RBMS1: variants seen among roughly 807,000 people sequenced by gnomAD.
RBMS1 encodes the protein RNA binding motif single stranded interacting protein 1, also known as RNA-binding motif, single-stranded-interacting protein 1.
Under a neutral mutation model 62.3 loss-of-function variants are expected in RBMS1, and 17 were observed. That is an observed-to-expected ratio of 0.27 (90% CI 0.19 to 0.41). RBMS1 has a LOEUF of 0.41. RBMS1 is among the 10% of genes least tolerant of loss of function. RBMS1 has a pLI of 1.00. For synonymous variants in RBMS1, 172 were observed against 170.0 expected, an observed-to-expected ratio of 1.01 and a Z score of -0.09; for missense variants, 334 against 504.5, an observed-to-expected ratio of 0.66 and a Z score of 3.24.
At chr2:160,317,585 A>G (rs1249612635) in intron 3 of RBMS1, among the ~76,000 whole-genome samples, 6 of 152,122 alleles carry the variant, frequency 3.9e-5, no homozygotes, top group Non-Finnish European at 5.9e-5. Context: ...GCATCAAATT[A>G]ATGCAGCAGC....
At chr2:160,423,809 C>CCT (rs1168220211) in intron 1 of RBMS1, among the ~76,000 whole-genome samples, 4 of 151,688 alleles carry the variant, frequency 2.6e-5, no homozygotes, top group Admixed American at 2.0e-4. Flanking sequence ...GGCCTTCGCT[C>CCT]CTCTCTCTCT....
chr2:160,296,400 C>T (rs1688936649), intron 6 of RBMS1, among the ~76,000 whole-genome samples: 1 of 152,176 alleles, frequency 6.6e-6, no homozygotes, highest in African/African-American at 2.4e-5. Flanking sequence ...CAGGTGTAGC[C>T]TGTGGAACTG....
chr2:160,284,586 G>C, intron 9 of RBMS1, 189 bp downstream of exon 9: 1 of 578,952 alleles, frequency 1.7e-6, no homozygotes, highest in East Asian at 3.0e-5. Context: ...ATTTTCCTTT[G>C]CTTTACATTC....
chr2:160,432,623 A>T (rs537147200), intron 1 of RBMS1: 13 of 152,354 alleles, frequency 8.5e-5, no homozygotes, highest in African/African-American at 3.1e-4. Flanking sequence ...ACTGTGTAAG[A>T]ACTCAGATTA....
chr2:160,343,743 G>A (rs576109581), intron 2 of RBMS1, among the ~76,000 whole-genome samples: 30 of 152,222 alleles, frequency 2.0e-4, no homozygotes, highest in Middle Eastern at 3.4e-3. Context: ...TAATTAGAGT[G>A]GAGCCCCTTT....
At chr2:160,438,088 T>C (rs1018728729) in intron 1 of RBMS1, among the ~76,000 whole-genome samples, 1 of 152,214 alleles carries the variant, frequency 6.6e-6, no homozygotes, top group African/African-American at 2.4e-5. Flanking sequence ...CACTTTGATG[T>C]TGATACCCTC....
rs374052827 is a variant in RBMS1 at position 160,448,721 on chromosome 2, C to G, written c.75+44568G>C. On this transcript the variant is annotated intron_variant, in intron 1 of 13. Transcript: ENST00000348849. ...AGCCTCTGCCCGGCCGCCAACCCGT[C>G]TGGGAAGTGAGGAGCGTCTCTGCCT... Among the ~76,000 whole-genome samples the G allele has an allele frequency of 2.2e-4, 33 of 152,320 alleles. No individual in the cohort carries two copies. The East Asian group carries it at 5.6e-3, about 26-fold the overall frequency.
In RBMS1 at chr2:160,367,281, C is replaced by A. The variant is rs547425213; in HGVS notation, c.186G>T (p.Thr62=). The A allele has an allele frequency of 9.9e-6, 16 of 1,613,492 alleles. No individual in the cohort carries two copies. Among genetic ancestry groups the A allele is most frequent in the African/African-American group, 1.3e-5 (1 of 74,840 alleles). ...GAGGCAGTCCTCGGATATAGAGGTTCGTTTTGCTGAGCTGATCCCATCCTG... is the reference window on the plus strand; with the variant it reads ...GAGGCAGTCCTCGGATATAGAGGTTAGTTTTGCTGAGCTGATCCCATCCTG... ...SNSGWDQLSK[T]NLYIRGLPPH... Residue 62 remains threonine, a synonymous_variant, in exon 2 of 14, where the codon ACG becomes ACT. Transcript: ENST00000348849.
At chr2:160,321,802 A>G (rs1690576591) in intron 2 of RBMS1, among the ~76,000 whole-genome samples, 1 of 152,170 alleles carries the variant, frequency 6.6e-6, no homozygotes, top group African/African-American at 2.4e-5. Context: ...TGTCTTTGAT[A>G]TGTTTCCAAT....
At chr2:160,305,075 G>T (rs1488438973) in intron 4 of RBMS1, among the ~76,000 whole-genome samples, 2 of 152,152 alleles carry the variant, frequency 1.3e-5, no homozygotes, top group Non-Finnish European at 2.9e-5. Context: ...GGATGGTCTC[G>T]ATCTCTTGAC....
At chr2:160,394,616 G>C (rs1695044193) in intron 1 of RBMS1, among the ~76,000 whole-genome samples, 1 of 152,166 alleles carries the variant, frequency 6.6e-6, no homozygotes, top group Non-Finnish European at 1.5e-5. Context: ...AGCAAAAAAA[G>C]AAATGAGAGT....
intron 1 of RBMS1, among the ~76,000 whole-genome samples, chr2:160,421,133 T>A (rs12463865): frequency 6.6e-6 from 1 of 151,616 alleles, no homozygotes; most frequent in Non-Finnish European, 1.5e-5. Flanking sequence ...CACTCTAACT[T>A]ATTCTTTTTT....
chr2:160,370,995 A>G (rs1401778136), intron 1 of RBMS1, among the ~76,000 whole-genome samples: 1 of 152,248 alleles, frequency 6.6e-6, no homozygotes, highest in East Asian at 1.9e-4. Context: ...CTTTTCATTA[A>G]AGAATAAATT....
Position 160,281,308 on chromosome 2 carries a change from A to C in RBMS1, c.951+6T>G. 6.3e-7 allele frequency: 1 copy of C among 1,597,280 alleles called. No homozygotes were observed. The highest frequency in any genetic ancestry group is 2.2e-5 in the East Asian group (1 of 44,604). ...AAACACAAAGTCATTAAGATAAAAAACTTACAGGGTGCTGTAGAATATATG... is the reference window on the plus strand; with the variant it reads ...AAACACAAAGTCATTAAGATAAAAACCTTACAGGGTGCTGTAGAATATATG... On this transcript the variant is annotated splice_donor_region_variant and intron_variant, in intron 10 of 13. Coordinates refer to ENST00000348849, the MANE Select transcript of RBMS1 (RefSeq NM_016836.4).
chr2:160,481,257 A>G (rs1345204042), intron 1 of RBMS1, among the ~76,000 whole-genome samples: 1 of 151,998 alleles, frequency 6.6e-6, no homozygotes, highest in African/African-American at 2.4e-5. Context: ...ACAAACAACA[A>G]TAACAAATCT....
intron 2 of RBMS1, among the ~76,000 whole-genome samples, chr2:160,361,820 C>A (rs1018714445): frequency 1.3e-5 from 2 of 152,150 alleles, no homozygotes; most frequent in Admixed American, 6.5e-5. Context: ...CACAGTGAGA[C>A]CCCAATCTCT....
chr2:160,383,727 ATGTAATC>A (rs1694414523), intron 1 of RBMS1, among the ~76,000 whole-genome samples: 1 of 152,222 alleles, frequency 6.6e-6, no homozygotes, highest in African/African-American at 2.4e-5. Context: ...ATAGCGAGCT[ATGTAATC>A]AGAGCACATA....
intron 2 of RBMS1, among the ~76,000 whole-genome samples, chr2:160,358,950 A>C (rs1473588813): frequency 1.3e-5 from 2 of 152,182 alleles, no homozygotes; most frequent in East Asian, 3.9e-4. Context: ...ACCATTTTAA[A>C]AAAAACAGAA....
At chr2:160,362,996 G>A (rs1384886971) in intron 2 of RBMS1, among the ~76,000 whole-genome samples, 1 of 152,214 alleles carries the variant, frequency 6.6e-6, no homozygotes, top group African/African-American at 2.4e-5. Flanking sequence ...TATTCTAGCA[G>A]AATTTCAAGG....
Sources: gnomAD v4.1 joint callset for allele counts (sites outside exome capture counted in the v4.1 genomes callset) on GRCh38, gnomAD v4.1.1 for gene constraint, MANE v1.5 for transcripts, NCBI Gene and HGNC (gene_info 2026-07-23, HGNC 2026-07-21) for gene names.